ZNF638: variants seen among roughly 807,000 people sequenced by gnomAD.
The protein encoded by ZNF638 is zinc finger protein 638.
ZNF638 carries 46 observed loss-of-function variants against 195.6 expected under a neutral mutation model. The ratio of observed to expected loss-of-function variants is 0.24; its 90% CI spans 0.19 to 0.30. The LOEUF (loss-of-function observed/expected upper bound fraction) is 0.30, where lower values mean the gene tolerates loss of function less well. Ranked by LOEUF, ZNF638 falls within the 10% of genes least tolerant of loss-of-function variation. The probability of loss-of-function intolerance (pLI) is 1.00; values close to 1 mark genes in which losing one functional copy is unlikely to be tolerated. For missense variants in ZNF638, 2,440 were observed against 2,325.3 expected (o/e 1.05, Z -1.01); for synonymous variants, 845 against 772.0 (o/e 1.09, Z -1.57).
chr2:71,356,869 A>G (rs949023766), intron 3 of ZNF638, among the ~76,000 whole-genome samples: 1 of 152,078 alleles, frequency 6.6e-6, no homozygotes, highest in African/African-American at 2.4e-5. Flanking sequence ...TTCTATTAAT[A>G]AGTTTCAGGA....
rs1463803442 is a variant in ZNF638, at chr2:71,388,440, A to T, written c.2378-7701A>T. On this transcript the variant is annotated intron_variant, in intron 10 of 27. Coordinates refer to ENST00000264447, the MANE Select transcript of ZNF638 (RefSeq NM_014497.5). ...CTGCTCCCTACAGGCGGGGGCAACA[A>T]CTACCCACAGATTGTGTTGGCTCCA... The T allele has an allele frequency of 4.4e-6, 3 of 687,942 alleles. No individual in the cohort carries two copies. The Admixed American group carries it at 6.1e-5, about 14-fold the overall frequency. The allele number at this position is 687,942 out of a possible 1,614,324, so 42.6% of individuals were successfully genotyped here.
At chr2:71,354,678 A>AGT (rs1168062042) in intron 2 of ZNF638, among the ~76,000 whole-genome samples, 1 of 151,752 alleles carries the variant, frequency 6.6e-6, no homozygotes, top group African/African-American at 2.4e-5. Flanking sequence ...TGGAGAGTGC[A>AGT]GTGATCCGAG....
In ZNF638 at chr2:71,427,252, G is replaced by A. The variant is rs2080557628; in HGVS notation, c.5383G>A (p.Ala1795Thr). 1.9e-6 allele frequency: 3 copies of A among 1,613,368 alleles called. No homozygotes were observed. The highest frequency in any genetic ancestry group is 2.5e-6 in the Non-Finnish European group (3 of 1,179,862). ...DGDNDLKVEL[A>T]QSKNDHPTDK... ...AGATAATGATTTAAAAGTTGAGTTA[G>A]CACAAAGCAAAAATGACCATCCCAC... Residue 1795 changes from alanine (A) to threonine (T), a missense_variant, in exon 24 of 28, where the codon GCA (alanine) becomes ACA (threonine). Physicochemically the swap from Ala to Thr is moderately conservative, Grantham distance 58 (BLOSUM62 0). This residue lies in a region of ZNF638 where 1,883 missense variants were observed against 1,739.1 expected (regional missense o/e 1.08). Transcript: ENST00000264447.
At chr2:71,356,175 T>A (rs2079019642) in intron 3 of ZNF638, among the ~76,000 whole-genome samples, 6 of 152,326 alleles carry the variant, frequency 3.9e-5, no homozygotes, top group Admixed American at 3.9e-4. Flanking sequence ...CCTAAAGCTC[T>A]TCTCTGACTT....
chr2:71,378,315 A>G (rs1026362944), intron 8 of ZNF638, among the ~76,000 whole-genome samples: 1 of 152,236 alleles, frequency 6.6e-6, no homozygotes, highest in African/African-American at 2.4e-5. Flanking sequence ...TAAAATTGAA[A>G]ATTACCATTA....
chr2:71,422,837 T>C lies in ZNF638; in HGVS notation c.3323T>C (p.Ile1108Thr), dbSNP rs751920796. 4.3e-6 allele frequency: 7 copies of C among 1,612,300 alleles called. No individual in the cohort carries two copies. Among genetic ancestry groups the C allele is most frequent in the African/African-American group, 4.0e-5 (3 of 74,800 alleles). The part of the protein sequence containing the change: ...KESPGLKNSP[I>T]DESEVQTATD... ...AGCCCTGGCTTGAAAAACAGTCCAATTGATGAAAGTGAGGTGCAAACAGCA... is the reference window on the plus strand; with the variant it reads ...AGCCCTGGCTTGAAAAACAGTCCAACTGATGAAAGTGAGGTGCAAACAGCA... The change falls in exon 22 of 28, where the codon ATT becomes ACT. Residue 1108 changes from isoleucine (I) to threonine (T), a missense_variant. By Grantham distance (89) the Ile-to-Thr change is moderately conservative. Coordinates refer to ENST00000264447, the MANE Select transcript of ZNF638 (RefSeq NM_014497.5).
chr2:71,366,050 A>C (rs1001181108), intron 6 of ZNF638, among the ~76,000 whole-genome samples: 64 of 152,286 alleles, frequency 4.2e-4, no homozygotes, highest in African/African-American at 1.5e-3. Context: ...TTGCTATGAC[A>C]AACAGAAAAC....
At chr2:71,342,473 C>G (rs980698758) in intron 1 of ZNF638, among the ~76,000 whole-genome samples, 3 of 152,154 alleles carry the variant, frequency 2.0e-5, no homozygotes, top group Non-Finnish European at 4.4e-5. Context: ...CATTATTTTA[C>G]TCATTAAGCA....
chr2:71,421,438 G>A (rs2080431239), intron 21 of ZNF638, among the ~76,000 whole-genome samples: 1 of 152,106 alleles, frequency 6.6e-6, no homozygotes. Flanking sequence ...AAGGTTTAGG[G>A]TCAAGAGGTA....
At chr2:71,420,958 A>G (rs1488740923) in intron 21 of ZNF638, among the ~76,000 whole-genome samples, 1 of 152,180 alleles carries the variant, frequency 6.6e-6, no homozygotes, top group East Asian at 1.9e-4. Flanking sequence ...CAAGTATGGA[A>G]CTGCATAATG....
At chr2:71,343,388 C>G (rs1046687954) in intron 1 of ZNF638, among the ~76,000 whole-genome samples, 1 of 152,152 alleles carries the variant, frequency 6.6e-6, no homozygotes, top group African/African-American at 2.4e-5. Flanking sequence ...GGATGTATCT[C>G]CTCACCCCAC....
intron 19 of ZNF638, among the ~76,000 whole-genome samples, chr2:71,406,828 C>T (rs1258509817): frequency 3.3e-5 from 5 of 151,742 alleles, no homozygotes; most frequent in South Asian, 2.1e-4. Context: ...AGTGGGATGT[C>T]GTCTCTACAA....
chr2:71,394,099 C>T (rs560922393), intron 10 of ZNF638, among the ~76,000 whole-genome samples: 5 of 152,310 alleles, frequency 3.3e-5, no homozygotes, highest in East Asian at 3.9e-4. Flanking sequence ...AGGTCTGTCA[C>T]GGGGGACAAG....
intron 3 of ZNF638, among the ~76,000 whole-genome samples, chr2:71,362,876 C>T (rs1184217103): frequency 1.3e-5 from 2 of 152,084 alleles, no homozygotes; most frequent in African/African-American, 4.8e-5. Context: ...CTCTTTTAAC[C>T]CTTAACCTAA....
At chr2:71,341,162 TTCA>T (rs1412233359) in intron 1 of ZNF638, among the ~76,000 whole-genome samples, 1 of 152,216 alleles carries the variant, frequency 6.6e-6, no homozygotes, top group African/African-American at 2.4e-5. Context: ...ATCTTTTCAA[TTCA>T]TCAAGCCGTT....
rs369509636 is a variant in ZNF638 at position 71,424,829 on chromosome 2, G to A, written c.4590+114G>A. On this transcript the variant is annotated intron_variant, in intron 23 of 27. Coordinates refer to ENST00000264447, the MANE Select transcript of ZNF638 (RefSeq NM_014497.5). Reference sequence around the variant, plus strand: ...GTTAGTGACTAAGAGTTTAGAGCAAGGGATAGGAATGAGATGTTTTGTTTT... The same window carrying A: ...GTTAGTGACTAAGAGTTTAGAGCAAAGGATAGGAATGAGATGTTTTGTTTT... The A allele has an allele frequency of 7.0e-5, 54 of 769,304 alleles. 1 individual carries two copies. In the South Asian group the frequency reaches 9.3e-4, roughly 13 times the overall value. The allele number at this position is 769,304 out of a possible 1,614,324, so 47.7% of individuals were successfully genotyped here. A position where few individuals can be genotyped will look rare whatever the true frequency, so the allele number is the denominator to read the frequency against.
chr2:71,331,866 G>C lies in ZNF638; in HGVS notation c.-212G>C, dbSNP rs916153344. 1.3e-5 allele frequency: 13 copies of C among 986,172 alleles called. No individual in the cohort carries two copies. The highest frequency in any genetic ancestry group is 1.4e-5 in the Non-Finnish European group (12 of 830,260). The allele number at this position is 986,172 out of a possible 1,614,324, so 61.1% of individuals were successfully genotyped here. On this transcript the variant is annotated 5_prime_UTR_variant, in exon 1 of 28. Transcript: ENST00000264447. ...CGGATGGGATCCAGCTGTTAGTCGG[G>C]TAGGCATAGGTAGGACCGCTGCCCT...
chr2:71,351,086 A>G (rs1050620986), intron 2 of ZNF638, among the ~76,000 whole-genome samples: 1 of 152,168 alleles, frequency 6.6e-6, no homozygotes, highest in African/African-American at 2.4e-5. Context: ...TGTTTCTTCT[A>G]TTTACTAATG....
At chr2:71,360,831 G>A (rs2104251790) in intron 3 of ZNF638, among the ~76,000 whole-genome samples, 1 of 152,258 alleles carries the variant, frequency 6.6e-6, no homozygotes, top group Admixed American at 6.5e-5. Flanking sequence ...CCTTTGTTGG[G>A]AGCGTTATTG....
Sources: allele counts gnomAD v4.1 joint callset (sites outside exome capture counted in the v4.1 genomes callset), GRCh38; gene constraint gnomAD v4.1.1; regional missense constraint gnomAD v4.1.1; transcripts MANE v1.5; gene names NCBI Gene and HGNC (gene_info 2026-07-23, HGNC 2026-07-21).